KCNIP4: variants seen among roughly 807,000 people sequenced by gnomAD.
KCNIP4 encodes Kv channel-interacting protein 4.
Under a neutral mutation model 34.0 loss-of-function variants are expected in KCNIP4, and 12 were observed. That is an observed-to-expected ratio of 0.35 (90% CI 0.23 to 0.57). KCNIP4 has a LOEUF of 0.57. Among genes scored for constraint, KCNIP4 ranks in the 20% least tolerant of loss-of-function variants. The pLI is 0.83. For synonymous variants in KCNIP4, 124 were observed against 102.2 expected, an observed-to-expected ratio of 1.21 and a Z score of -1.29; for missense variants, 238 against 311.7, an observed-to-expected ratio of 0.76 and a Z score of 1.78.
intron 1 of KCNIP4, among the ~76,000 whole-genome samples, chr4:21,732,406 T>A (rs750984343): frequency 1.3e-5 from 2 of 152,108 alleles, no homozygotes; most frequent in Non-Finnish European, 2.9e-5. Flanking sequence ...TCCCGAGAAG[T>A]GAGAAAGCAG....
chr4:20,925,508 C>T (rs138743891), intron 1 of KCNIP4, among the ~76,000 whole-genome samples: 1 of 152,174 alleles, frequency 6.6e-6, no homozygotes, highest in Non-Finnish European at 1.5e-5. Flanking sequence ...AATAATCCAC[C>T]TCTTGTTTAG....
chr4:21,221,319 T>A lies in KCNIP4; in HGVS notation c.62-338610A>T, dbSNP rs541773490. On this transcript the variant is annotated intron_variant, in intron 1 of 8. Transcript: ENST00000382152. ...TGAAGTGAGAACATGTATTAATCCG[T>A]TTTCATACTGCTATAAATAACTGCC... is the stretch of plus-strand genomic sequence containing the variant. 4.0e-3 allele frequency among the ~76,000 whole-genome samples: 612 copies of A among 152,266 alleles called. 8 individuals are homozygous for A. The highest frequency in any genetic ancestry group is 3.1e-3 in the South Asian group (15 of 4,822).
intron 1 of KCNIP4, among the ~76,000 whole-genome samples, chr4:21,776,357 G>A (rs763853120): frequency 5.3e-5 from 8 of 152,050 alleles, no homozygotes; most frequent in South Asian, 4.2e-4. Flanking sequence ...GGGAGCCTCC[G>A]AACGTTGCTG....
At chr4:21,920,132 C>A (rs573431407) in intron 1 of KCNIP4, among the ~76,000 whole-genome samples, 98 of 152,168 alleles carry the variant, frequency 6.4e-4, no homozygotes, top group Admixed American at 1.1e-3. Context: ...TTTCTTTAAA[C>A]TGATGCTGAA....
rs1278490222 is a variant in KCNIP4, at chr4:20,882,639, T to A, written c.132A>T (p.Ser44=). ...KERLMKLLPC[S]AAKTSSPAIQ... ...TAGCAGGAGACGACGTTTTGGCAGCTGAGCAGGGCAAGAGCTTCATGAGCC... is the reference window on the plus strand; with the variant it reads ...TAGCAGGAGACGACGTTTTGGCAGCAGAGCAGGGCAAGAGCTTCATGAGCC... Residue 44 remains serine (S), a synonymous_variant, in exon 2 of 9, where the codon TCA becomes TCT. Transcript: ENST00000382152. 1 of 1,613,526 alleles carries A rather than the reference T, an allele frequency of 6.2e-7. No homozygotes were observed. The highest frequency in any genetic ancestry group is 2.2e-5 in the East Asian group (1 of 44,830).
intron 1 of KCNIP4, among the ~76,000 whole-genome samples, chr4:21,642,611 C>T (rs879379981): frequency 1.3e-5 from 2 of 152,126 alleles, no homozygotes; most frequent in Non-Finnish European, 2.9e-5. Context: ...TTGCTTCCTG[C>T]TCCCATGACC....
At chr4:21,343,257 T>C (rs992466652) in intron 1 of KCNIP4, among the ~76,000 whole-genome samples, 3 of 151,916 alleles carry the variant, frequency 2.0e-5, no homozygotes, top group African/African-American at 4.8e-5. Flanking sequence ...AGTTAGATAG[T>C]AAATGAGGTC....
At chr4:21,049,977 T>C (rs1436336248) in intron 1 of KCNIP4, among the ~76,000 whole-genome samples, 1 of 152,220 alleles carries the variant, frequency 6.6e-6, no homozygotes, top group Non-Finnish European at 1.5e-5. Context: ...TAACCACCAA[T>C]TCAGACACCA....
At chr4:21,506,879 A>G (rs1357042129) in intron 1 of KCNIP4, among the ~76,000 whole-genome samples, 1 of 151,330 alleles carries the variant, frequency 6.6e-6, no homozygotes, top group East Asian at 2.0e-4. Flanking sequence ...GCAGCCTCAA[A>G]CTCCTGGGCC....
chr4:21,573,874 G>C (rs1351063409), intron 1 of KCNIP4, among the ~76,000 whole-genome samples: 1 of 152,100 alleles, frequency 6.6e-6, no homozygotes, highest in Non-Finnish European at 1.5e-5. Context: ...TGGCTTATGT[G>C]CCTTATTGAT....
At chr4:21,373,675 G>A (rs953744147) in intron 1 of KCNIP4, among the ~76,000 whole-genome samples, 1 of 146,962 alleles carries the variant, frequency 6.8e-6, no homozygotes, top group African/African-American at 2.7e-5. Flanking sequence ...TAAAGGTTGG[G>A]TTTCTCATTT....
At chr4:21,587,615 TC>T (rs1303510643) in intron 1 of KCNIP4, among the ~76,000 whole-genome samples, 2 of 152,042 alleles carry the variant, frequency 1.3e-5, no homozygotes, top group African/African-American at 4.8e-5. Context: ...GCTTATTCTA[TC>T]CCAGACGATT....
At chr4:20,758,389 A>G (rs938473669) in intron 4 of KCNIP4, among the ~76,000 whole-genome samples, 2 of 152,198 alleles carry the variant, frequency 1.3e-5, no homozygotes, top group Non-Finnish European at 2.9e-5. Flanking sequence ...CACTGAGTCA[A>G]TATGTGGCCC....
At chr4:21,572,633 C>CT (rs71655642) in intron 1 of KCNIP4, among the ~76,000 whole-genome samples, 12,484 of 140,628 alleles carry the variant, frequency 0.089, 634 homozygotes, top group Middle Eastern at 0.2. Flanking sequence ...GATCTCTCAT[C>CT]TTTTTTTTTT....
chr4:21,017,361 G>T (rs1739633434), intron 1 of KCNIP4, among the ~76,000 whole-genome samples: 1 of 152,040 alleles, frequency 6.6e-6, no homozygotes, highest in African/African-American at 2.4e-5. Flanking sequence ...CCCCTGACAG[G>T]CTCTAGTGTG....
chr4:21,234,910 A>G (rs1398794275), intron 1 of KCNIP4, among the ~76,000 whole-genome samples: 2 of 152,004 alleles, frequency 1.3e-5, no homozygotes, highest in Admixed American at 6.6e-5. Flanking sequence ...GGCCTCCCAA[A>G]GTGTTGGGAT....
At chr4:21,113,195 G>C (rs970371482) in intron 1 of KCNIP4, among the ~76,000 whole-genome samples, 2 of 152,136 alleles carry the variant, frequency 1.3e-5, no homozygotes, top group East Asian at 3.9e-4. Context: ...TTTGCAGAAG[G>C]CAATGGAACA....
intron 3 of KCNIP4, among the ~76,000 whole-genome samples, chr4:20,811,479 A>ATG (rs1490261684): frequency 1.5e-4 from 21 of 141,956 alleles, no homozygotes; most frequent in African/African-American, 4.7e-4. Context: ...ATGCATTCTG[A>ATG]TGTGTGTGTG....
chr4:21,092,345 T>A (rs1420747720), intron 1 of KCNIP4, among the ~76,000 whole-genome samples: 1 of 151,908 alleles, frequency 6.6e-6, no homozygotes, highest in Non-Finnish European at 1.5e-5. Context: ...TGTCTCTATA[T>A]TCCTCAGCAG....
Sources: allele counts gnomAD v4.1 joint callset (sites outside exome capture counted in the v4.1 genomes callset), GRCh38; gene constraint gnomAD v4.1.1; transcripts MANE v1.5; gene names NCBI Gene and HGNC (gene_info 2026-07-23, HGNC 2026-07-21).